GON4L: variants seen among roughly 807,000 people sequenced by gnomAD.
GON4L encodes the protein GON-4-like protein.
In GON4L, 87 loss-of-function variants were observed where a neutral mutation model predicts 211.8. The ratio of observed to expected loss-of-function variants is 0.41; its 90% CI spans 0.35 to 0.49. GON4L has a LOEUF of 0.49. GON4L is among the 20% of genes least tolerant of loss of function. The pLI is 0.15. For missense variants in GON4L, 2,155 were observed against 2,659.5 expected, an observed-to-expected ratio of 0.81 and a Z score of 4.17; for synonymous variants, 875 against 962.6, an observed-to-expected ratio of 0.91 and a Z score of 1.68.
downstream of GON4L, chr1:155,746,062 G>A (rs1447695365): frequency 2.7e-5 from 21 of 767,406 alleles, no homozygotes; most frequent in Non-Finnish European, 4.2e-5. Flanking sequence ...GCTGTGCCCC[G>A]ACGTCCTGTA....
At chr1:155,786,203 G>A (rs913006543) in intron 12 of GON4L, among the ~76,000 whole-genome samples, 1 of 152,126 alleles carries the variant, frequency 6.6e-6, no homozygotes, top group African/African-American at 2.4e-5. Context: ...GAGAGATAGA[G>A]AGAGAGAGTT....
At chr1:155,849,439 G>C (rs1282291882) in intron 2 of GON4L, among the ~76,000 whole-genome samples, 5 of 151,630 alleles carry the variant, frequency 3.3e-5, no homozygotes, top group African/African-American at 9.7e-5. Context: ...AGCTACTCGG[G>C]AGGCTGAGGC....
In GON4L at chr1:155,752,808, A is replaced by G. The variant is rs111415535; in HGVS notation, c.5843-218T>C. Among the ~76,000 whole-genome samples, 6 of 152,194 alleles carry G rather than the reference A, an allele frequency of 3.9e-5. 1 individual carries two copies. The South Asian group carries it at 1.0e-3, about 26-fold the overall frequency. On this transcript the variant is annotated intron_variant, in intron 29 of 31. Transcript: ENST00000368331. Reference sequence around the variant, plus strand: ...GGCAATATGGTGAGACTCCATCTCTACAAGAAAATATAAATAATAAAAGAG... The same window carrying G: ...GGCAATATGGTGAGACTCCATCTCTGCAAGAAAATATAAATAATAAAAGAG...
chr1:155,780,319 T>C (rs374362974), intron 14 of GON4L, among the ~76,000 whole-genome samples: 2 of 151,564 alleles, frequency 1.3e-5, no homozygotes, highest in East Asian at 3.9e-4. Context: ...CAGTCGGGCG[T>C]GGTGGCTCAA....
At chr1:155,750,754 T>C (rs367852664) in intron 31 of GON4L, 21 bp from the exon 32 acceptor site, 1 of 1,557,008 alleles carries the variant, frequency 6.4e-7, no homozygotes, top group Non-Finnish European at 8.7e-7. Flanking sequence ...AGGAGGGCTG[T>C]ATTCACTGGT....
chr1:155,799,710 C>T (rs1027949112), intron 11 of GON4L, among the ~76,000 whole-genome samples: 9 of 152,192 alleles, frequency 5.9e-5, no homozygotes, highest in Non-Finnish European at 8.8e-5. Context: ...TTCAAGTTCT[C>T]GGAACCAAAT....
chr1:155,779,253 CA>C (rs764871817), intron 14 of GON4L, among the ~76,000 whole-genome samples: 7 of 10,662 alleles, frequency 6.6e-4, no homozygotes, highest in African/African-American at 1.2e-3. Context: ...GACTCTGTCT[CA>C]AAAAAAAAAA....
rs545141387 is a variant in GON4L, at chr1:155,796,069, C to T, written c.1646-918G>A. Among the ~76,000 whole-genome samples the T allele has an allele frequency of 1.3e-3, 191 of 152,078 alleles. 1 individual carries two copies. Among genetic ancestry groups the T allele is most frequent in the African/African-American group, 4.4e-3 (184 of 41,466 alleles). On this transcript the variant is annotated intron_variant, in intron 11 of 31. Transcript: ENST00000368331. The stretch of plus-strand genomic sequence containing the variant: ...TTTTGGATGAAGGGGATACTCAACA[C>T]GTACACATATAAAATGTGAATATGT...
rs777813027 is a variant in GON4L at position 155,767,574 on chromosome 1, T to C, written c.2647-33A>G. The C allele has an allele frequency of 8.8e-6, 14 of 1,584,488 alleles. No homozygotes were observed. In the African/African-American group the frequency reaches 1.8e-4, roughly 20 times the overall value. On this transcript the variant is annotated intron_variant, in intron 19 of 31. Transcript: ENST00000368331. ...TGAAAAAAATGCGCATGAATTACAT[T>C]CCTTCTGGAAACACTGTCCCCTGTC...
intron 2 of GON4L, among the ~76,000 whole-genome samples, chr1:155,835,618 C>T (rs1192626147): frequency 1.3e-5 from 2 of 152,140 alleles, no homozygotes; most frequent in East Asian, 3.9e-4. Flanking sequence ...CCCTCATGGG[C>T]TGATGCCTGG....
At chr1:155,779,776 C>A (rs963842731) in intron 14 of GON4L, among the ~76,000 whole-genome samples, 1 of 152,012 alleles carries the variant, frequency 6.6e-6, no homozygotes, top group African/African-American at 2.4e-5. Context: ...GGGTTGGGAA[C>A]CTTAGAAGAG....
intron 27 of GON4L, among the ~76,000 whole-genome samples, chr1:155,755,148 G>A (rs1213187954): frequency 3.2e-4 from 47 of 148,508 alleles, no homozygotes; most frequent in Non-Finnish European, 8.9e-5. Flanking sequence ...TCAGCTTAGC[G>A]CAACTTCCAC....
intron 3 of GON4L, among the ~76,000 whole-genome samples, chr1:155,823,183 C>T: frequency 6.6e-6 from 1 of 152,208 alleles, no homozygotes; most frequent in Admixed American, 6.5e-5. Flanking sequence ...CTCGCCTCAG[C>T]CTCCCAAAGC....
chr1:155,820,654 C>G lies in GON4L; in HGVS notation c.966G>C (p.Glu322Asp), dbSNP rs1361790742. 1 of 1,603,588 alleles carries G rather than the reference C, an allele frequency of 6.2e-7. No individual in the cohort carries two copies. Among genetic ancestry groups the G allele is most frequent in the Non-Finnish European group, 8.5e-7 (1 of 1,170,798 alleles). The change falls in exon 6 of 32, where the codon GAG becomes GAC. Residue 322 changes from glutamate to aspartate, a missense_variant and splice_region_variant. This residue lies in a region of GON4L where 551 missense variants were observed against 854.0 expected (regional missense o/e 0.65). Transcript: ENST00000368331. ...TCAGTTTAGAGCGTGTCATTTTAGG[C>G]TCCTAAGGAGAAAAAAACAGAAAGG... is the stretch of plus-strand genomic sequence containing the variant. ...ISETEDMPMF[E>D]PKMTRSKLKE...
downstream of GON4L, chr1:155,749,492 G>A (rs555821670): frequency 1.3e-4 from 188 of 1,425,114 alleles, 1 homozygote; most frequent in South Asian, 6.9e-4. Flanking sequence ...GACTTCTTAC[G>A]CACTTAATGG....
At position 155,813,645 on chromosome 1, in the gene GON4L, C is replaced by G. The variant is rs1448343267; in HGVS notation, c.1441G>C (p.Asp481His). Reference sequence around the variant, plus strand: ...GTTTTAATATTTACCTGGAAAGAATCCATGCAGACTGGACTGGAAGCCAGC... The same window carrying G: ...GTTTTAATATTTACCTGGAAAGAATGCATGCAGACTGGACTGGAAGCCAGC... ...EELASSPVCM[D>H]SFQPMDDSLI... The change falls in exon 10 of 32, where the codon GAT (aspartate) becomes CAT (histidine). Residue 481 changes from aspartate to histidine, a missense_variant. Transcript: ENST00000368331. The G allele has an allele frequency of 6.2e-7, 1 of 1,610,504 alleles. No homozygotes were observed. Among genetic ancestry groups the G allele is most frequent in the South Asian group, 1.1e-5 (1 of 91,004 alleles).
In GON4L at chr1:155,752,080, T is replaced by C. The variant is rs578012401; in HGVS notation, c.6353A>G (p.Asp2118Gly). 94 of 1,613,750 alleles carry C rather than the reference T, an allele frequency of 5.8e-5. No homozygotes were observed. In the South Asian group the frequency reaches 1.0e-3, roughly 17 times the overall value. Residue 2118 changes from aspartate to glycine, a missense_variant, in exon 30 of 32, where the codon GAC becomes GGC. Physicochemically the swap from Asp to Gly is moderately conservative, Grantham distance 94. Around this residue, in one of 6 missense-constraint regions of GON4L, gnomAD observed 186 missense variants for 308.1 expected, o/e 0.60. Transcript: ENST00000368331. Reference sequence around the variant, plus strand: ...TGGACCCTTGGCCTGTGTTCCACTGTCTTTAGCCAAACCCCCTCTAGGGGC... The same window carrying C: ...TGGACCCTTGGCCTGTGTTCCACTGCCTTTAGCCAAACCCCCTCTAGGGGC... The part of the protein sequence containing the change: ...PKAPRGGLAK[D>G]SGTQAKGPEG...
At chr1:155,834,410 T>A (rs905412739) in intron 2 of GON4L, among the ~76,000 whole-genome samples, 3 of 152,166 alleles carry the variant, frequency 2.0e-5, no homozygotes, top group African/African-American at 7.2e-5. Flanking sequence ...CATGTCTGTT[T>A]CCATGGAGAA....
chr1:155,745,574 C>G (rs919115210), downstream of GON4L, among the ~76,000 whole-genome samples: 20 of 152,370 alleles, frequency 1.3e-4, no homozygotes, highest in East Asian at 3.9e-4. Flanking sequence ...GCGCCCACCC[C>G]GCTCCAGCGT....
Sources: gnomAD v4.1 joint callset for allele counts (sites outside exome capture counted in the v4.1 genomes callset) on GRCh38, gnomAD v4.1.1 for gene constraint, gnomAD v4.1.1 regional missense constraint, MANE v1.5 for transcripts, NCBI Gene and HGNC (gene_info 2026-07-23, HGNC 2026-07-21) for gene names.